SLC4A4: variants seen among roughly 807,000 people sequenced by gnomAD.
SLC4A4 encodes the protein electrogenic sodium bicarbonate cotransporter 1.
In SLC4A4, 27 loss-of-function variants were observed where a neutral mutation model predicts 111.5. The observed-to-expected ratio is 0.24, with a 90% confidence interval of 0.18 to 0.33. SLC4A4 has a LOEUF of 0.33. SLC4A4 is among the 10% of genes least tolerant of loss of function. SLC4A4 has a pLI of 1.00. For synonymous variants in SLC4A4, 443 were observed against 463.4 expected, an observed-to-expected ratio of 0.96 and a Z score of 0.57; for missense variants, 909 against 1,315.5, an observed-to-expected ratio of 0.69 and a Z score of 4.78.
chr4:71,176,353 A>G (rs1246603866), intron 2 of SLC4A4, among the ~76,000 whole-genome samples: 2 of 152,240 alleles, frequency 1.3e-5, no homozygotes, highest in Non-Finnish European at 2.9e-5. Context: ...AGTTGAGAGA[A>G]GAAGGCTTCA....
intron 2 of SLC4A4, among the ~76,000 whole-genome samples, chr4:71,156,580 G>GCA (rs1578533476): frequency 1.1e-4 from 11 of 102,582 alleles, no homozygotes; most frequent in East Asian, 2.9e-4. Flanking sequence ...GCATGCGCGC[G>GCA]CGCGCGCGCA....
chr4:71,370,036 T>C (rs1259594513), intron 6 of SLC4A4, among the ~76,000 whole-genome samples: 1 of 152,206 alleles, frequency 6.6e-6, no homozygotes, highest in Non-Finnish European at 1.5e-5. Context: ...AGGAAAAGTA[T>C]GAGTTTGATA....
chr4:71,511,564 TTTA>T (rs1731921129), intron 16 of SLC4A4, among the ~76,000 whole-genome samples: 1 of 152,144 alleles, frequency 6.6e-6, no homozygotes, highest in African/African-American at 2.4e-5. Flanking sequence ...TCTATTTTAT[TTTA>T]TTTATTGCAC....
intron 2 of SLC4A4, among the ~76,000 whole-genome samples, chr4:71,128,253 GT>G (rs1432383162): frequency 3.9e-5 from 6 of 152,176 alleles, no homozygotes; most frequent in African/African-American, 1.4e-4. Context: ...CATAGAGAGT[GT>G]TTGTGTGGAG....
At chr4:71,179,398 A>G (rs1455714825) in intron 2 of SLC4A4, among the ~76,000 whole-genome samples, 1 of 152,194 alleles carries the variant, frequency 6.6e-6, no homozygotes, top group Admixed American at 6.5e-5. Flanking sequence ...TCAATTAGGA[A>G]CAGAGGAAGT....
chr4:71,224,860 T>C (rs1718956592), intron 1 of SLC4A4, among the ~76,000 whole-genome samples: 1 of 152,238 alleles, frequency 6.6e-6, no homozygotes, highest in African/African-American at 2.4e-5. Context: ...TAAATTAGTC[T>C]GCATGCCTGG....
At chr4:71,098,106 A>G (rs1302022987) in intron 2 of SLC4A4, among the ~76,000 whole-genome samples, 4 of 152,146 alleles carry the variant, frequency 2.6e-5, no homozygotes, top group South Asian at 4.1e-4. Flanking sequence ...GCCTGTTCCT[A>G]TGTCCAGAAT....
intron 6 of SLC4A4, among the ~76,000 whole-genome samples, chr4:71,368,232 G>A (rs1731511352): frequency 6.6e-6 from 1 of 152,150 alleles, no homozygotes; most frequent in African/African-American, 2.4e-5. Flanking sequence ...TTTCCTCCAG[G>A]TGATAAAATG....
chr4:71,531,406 C>T (rs1243132842), intron 16 of SLC4A4, among the ~76,000 whole-genome samples: 1 of 152,080 alleles, frequency 6.6e-6, no homozygotes, highest in Non-Finnish European at 1.5e-5. Context: ...AAGTACTAAC[C>T]TGGATTGAGA....
chr4:71,561,255 G>A (rs1302994743), intron 23 of SLC4A4, among the ~76,000 whole-genome samples: 4 of 151,632 alleles, frequency 2.6e-5, no homozygotes, highest in African/African-American at 9.7e-5. Flanking sequence ...ATTTATTTTT[G>A]TTCCCATTTT....
intron 2 of SLC4A4, among the ~76,000 whole-genome samples, chr4:71,146,008 C>T (rs1388487178): frequency 1.3e-5 from 2 of 152,084 alleles, no homozygotes; most frequent in African/African-American, 2.4e-5. Flanking sequence ...TGTGTTTGCT[C>T]TTGCTTCTCT....
intron 1 of SLC4A4, among the ~76,000 whole-genome samples, chr4:71,199,787 A>G (rs531878668): frequency 6.6e-6 from 1 of 152,174 alleles, no homozygotes; most frequent in African/African-American, 2.4e-5. Flanking sequence ...AGTAGCTGGG[A>G]CTACAGGAGC....
At chr4:71,560,516 A>G (rs1321511349) in intron 23 of SLC4A4, among the ~76,000 whole-genome samples, 1 of 151,840 alleles carries the variant, frequency 6.6e-6, no homozygotes, top group Non-Finnish European at 1.5e-5. Flanking sequence ...AACCCACCAC[A>G]TTAAAAAAAT....
Position 71,255,259 on chromosome 4 carries a change from G to A in SLC4A4, c.113G>A (p.Ser38Asn). ...TIYIGVHVPKSYRRRRRHKRK... is the reference protein window; with the variant it reads ...TIYIGVHVPKNYRRRRRHKRK... ...TACATCGGAGTCCATGTGCCGAAGA[G>A]TTACAGGAGAAGGAGACGTCACAAG... The change falls in exon 3 of 26, where the codon AGT (serine) becomes AAT (asparagine). Residue 38 changes from serine to asparagine, a missense_variant. Transcript: ENST00000264485. 3.7e-6 allele frequency: 6 copies of A among 1,613,450 alleles called. No homozygotes were observed. The highest frequency in any genetic ancestry group is 5.1e-6 in the Non-Finnish European group (6 of 1,179,514).
intron 3 of SLC4A4, among the ~76,000 whole-genome samples, chr4:71,332,760 C>T (rs540823392): frequency 3.3e-4 from 51 of 152,354 alleles, no homozygotes; most frequent in African/African-American, 1.0e-3. Context: ...AGCCTGTCTG[C>T]GAGCTCACTA....
At chr4:71,198,714 G>T (rs995133175) in intron 1 of SLC4A4, among the ~76,000 whole-genome samples, 3 of 152,126 alleles carry the variant, frequency 2.0e-5, no homozygotes, top group Non-Finnish European at 2.9e-5. Flanking sequence ...TAATCCTTGT[G>T]CTTTAGGAGG....
chr4:71,487,958 GAA>G (rs921750683), intron 15 of SLC4A4, among the ~76,000 whole-genome samples: 6 of 151,494 alleles, frequency 4.0e-5, no homozygotes, highest in Admixed American at 2.6e-4. Context: ...TTAGGTGTGT[GAA>G]AAAGTATGTG....
chr4:71,525,461 C>A (rs748951993), intron 16 of SLC4A4, among the ~76,000 whole-genome samples: 5 of 152,142 alleles, frequency 3.3e-5, no homozygotes, highest in South Asian at 2.1e-4. Flanking sequence ...AAATTATATG[C>A]TGTAGCACAT....
intron 2 of SLC4A4, among the ~76,000 whole-genome samples, chr4:71,113,702 G>T (rs527685229): frequency 5.9e-5 from 9 of 152,236 alleles, no homozygotes; most frequent in Admixed American, 5.9e-4. Flanking sequence ...AGATTCACCG[G>T]GTTAGGGGTC....
Sources: allele counts gnomAD v4.1 joint callset (sites outside exome capture counted in the v4.1 genomes callset), GRCh38; gene constraint gnomAD v4.1.1; transcripts MANE v1.5; gene names NCBI Gene and HGNC (gene_info 2026-07-23, HGNC 2026-07-21).